The following UNC5C variants were observed in gnomAD, a reference collection of about 807,000 sequenced individuals.
UNC5C encodes unc-5 netrin receptor C.
Under a neutral mutation model 99.8 loss-of-function variants are expected in UNC5C, and 47 were observed. That is an observed-to-expected ratio of 0.47 (90% CI 0.37 to 0.60). The LOEUF is 0.60. Ranked by LOEUF, UNC5C falls within the 20% of genes least tolerant of loss-of-function variation. The pLI is 0.00. For synonymous variants in UNC5C, 487 were observed against 452.2 expected, an observed-to-expected ratio of 1.08 and a Z score of -0.98; for missense variants, 1,062 against 1,165.9, an observed-to-expected ratio of 0.91 and a Z score of 1.30.
chr4:95,543,270 A>C (rs1158015887), intron 1 of UNC5C, among the ~76,000 whole-genome samples: 1 of 152,152 alleles, frequency 6.6e-6, no homozygotes, highest in Non-Finnish European at 1.5e-5. Flanking sequence ...GTAGGAGAAA[A>C]ATCTAAACCG....
intron 1 of UNC5C, among the ~76,000 whole-genome samples, chr4:95,457,950 G>A (rs1231395806): frequency 6.6e-6 from 1 of 152,062 alleles, no homozygotes; most frequent in Non-Finnish European, 1.5e-5. Context: ...AACCCATTCT[G>A]TTCTATAGAA....
At chr4:95,331,454 G>T (rs112710231) in intron 2 of UNC5C, among the ~76,000 whole-genome samples, 19 of 152,084 alleles carry the variant, frequency 1.2e-4, no homozygotes, top group African/African-American at 4.6e-4. Context: ...AAACTTTAAA[G>T]GTAATACCTA....
chr4:95,483,473 A>G (rs147795520), intron 1 of UNC5C, among the ~76,000 whole-genome samples: 24 of 151,936 alleles, frequency 1.6e-4, no homozygotes, highest in African/African-American at 5.8e-4. Context: ...GAAATCTTAA[A>G]TGTACTACAA....
Position 95,171,341 on chromosome 4 carries a change from T to C in UNC5C, c.2452-1009A>G, listed in dbSNP as rs540586262. Reference sequence around the variant, plus strand: ...CTGGTGCGCTGCACCCACTAACTCATCATCTAGCATTAGGTATATCTCCCA... The same window carrying C: ...CTGGTGCGCTGCACCCACTAACTCACCATCTAGCATTAGGTATATCTCCCA... On this transcript the variant is annotated intron_variant, in intron 14 of 15. Transcript: ENST00000453304. 5.1e-3 allele frequency among the ~76,000 whole-genome samples: 776 copies of C among 151,606 alleles called. 7 individuals are homozygous for C. The highest frequency in any genetic ancestry group is 0.018 in the African/African-American group (741 of 41,262).
intron 7 of UNC5C, among the ~76,000 whole-genome samples, chr4:95,225,606 G>A (rs561877078): frequency 2.8e-4 from 42 of 151,640 alleles, no homozygotes; most frequent in African/African-American, 7.0e-4. Flanking sequence ...ATTAAATATC[G>A]CCTCACTCTA....
intron 1 of UNC5C, among the ~76,000 whole-genome samples, chr4:95,497,618 G>T (rs1298237391): frequency 6.6e-6 from 1 of 151,748 alleles, no homozygotes; most frequent in Admixed American, 6.6e-5. Flanking sequence ...TTAATGTAAT[G>T]AATTTAATAC....
chr4:95,332,775 T>C (rs1743168929), intron 2 of UNC5C, among the ~76,000 whole-genome samples: 2 of 149,750 alleles, frequency 1.3e-5, no homozygotes, highest in Admixed American at 1.3e-4. Flanking sequence ...ACCATCAGAG[T>C]GAACAGGCAA....
chr4:95,344,102 C>T (rs2149425404), intron 1 of UNC5C, among the ~76,000 whole-genome samples: 1 of 152,094 alleles, frequency 6.6e-6, no homozygotes, highest in Non-Finnish European at 1.5e-5. Flanking sequence ...GGCTACAAAA[C>T]ATCAAGCAGG....
In UNC5C at chr4:95,416,104, A is replaced by G. The variant is rs146204404; in HGVS notation, c.125-80473T>C. On this transcript the variant is annotated intron_variant, in intron 1 of 15. Coordinates refer to ENST00000453304, the MANE Select transcript of UNC5C (RefSeq NM_003728.4). The stretch of plus-strand genomic sequence containing the variant: ...ATTTGTGAATGTTCGGAGGGCAGAC[A>G]AATAGCTGGAGAATGGAAAGTAGAA... 5.9e-5 allele frequency among the ~76,000 whole-genome samples: 9 copies of G among 152,280 alleles called. No homozygotes were observed. The East Asian group carries it at 1.7e-3, about 29-fold the overall frequency.
At chr4:95,296,379 G>GT (rs1741671282) in intron 3 of UNC5C, among the ~76,000 whole-genome samples, 1 of 152,118 alleles carries the variant, frequency 6.6e-6, no homozygotes, top group East Asian at 1.9e-4. Flanking sequence ...AGAAGAGTTT[G>GT]TTTTTTTATT....
At chr4:95,238,962 A>T (rs1423049341) in intron 7 of UNC5C, among the ~76,000 whole-genome samples, 2 of 152,116 alleles carry the variant, frequency 1.3e-5, no homozygotes, top group Non-Finnish European at 1.5e-5. Flanking sequence ...TCCTTTTAAA[A>T]ATATGGTTTG....
chr4:95,246,221 C>T (rs1478957724), intron 5 of UNC5C, among the ~76,000 whole-genome samples: 1 of 152,126 alleles, frequency 6.6e-6, no homozygotes, highest in Non-Finnish European at 1.5e-5. Context: ...ATGTAATGGA[C>T]TCCTGGACAG....
In UNC5C at chr4:95,182,879, C is replaced by CA; in HGVS notation, c.2451+17dup. On this transcript the variant is annotated intron_variant, in intron 14 of 15. Transcript: ENST00000453304. ...TGTCGCACTCTCCCCTGATTTCAGA[C>CA]AGACAGGAGCCACTTACCTCTGACA... 1 of 1,600,726 alleles carries CA rather than the reference C, an allele frequency of 6.2e-7. No homozygotes were observed. The highest frequency in any genetic ancestry group is 1.7e-4 in the Middle Eastern group (1 of 5,922).
At chr4:95,374,627 T>C (rs1428657726) in intron 1 of UNC5C, among the ~76,000 whole-genome samples, 1 of 152,018 alleles carries the variant, frequency 6.6e-6, no homozygotes, top group Non-Finnish European at 1.5e-5. Context: ...AATTCTGGAA[T>C]CTTGACTACC....
intron 1 of UNC5C, among the ~76,000 whole-genome samples, chr4:95,398,784 C>T (rs1745600775): frequency 6.6e-6 from 1 of 152,016 alleles, no homozygotes; most frequent in South Asian, 2.1e-4. Context: ...TGCTATTTTG[C>T]TTTTTAATTG....
At chr4:95,473,806 G>C (rs1748048699) in intron 1 of UNC5C, among the ~76,000 whole-genome samples, 1 of 152,116 alleles carries the variant, frequency 6.6e-6, no homozygotes, top group African/African-American at 2.4e-5. Context: ...AGGGGAGATG[G>C]TAGCTATAAA....
intron 1 of UNC5C, among the ~76,000 whole-genome samples, chr4:95,371,434 GAGT>G (rs764531615): frequency 1.5e-4 from 3 of 19,522 alleles, no homozygotes; most frequent in East Asian, 2.6e-3. Context: ...GGGGGGGGGG[GAGT>G]ATCAAATGTG....
At chr4:95,377,664 C>T (rs770236105) in intron 1 of UNC5C, among the ~76,000 whole-genome samples, 1 of 151,966 alleles carries the variant, frequency 6.6e-6, no homozygotes, top group African/African-American at 2.4e-5. Context: ...CAAAGAAAGA[C>T]CTCTCTCTAA....
intron 1 of UNC5C, among the ~76,000 whole-genome samples, chr4:95,445,792 T>C (rs1747083305): frequency 1.3e-5 from 2 of 151,014 alleles, no homozygotes; most frequent in Admixed American, 1.3e-4. Flanking sequence ...AGACACATTT[T>C]TGAAGAGGTG....
Sources: allele counts gnomAD v4.1 joint callset (sites outside exome capture counted in the v4.1 genomes callset), GRCh38; gene constraint gnomAD v4.1.1; transcripts MANE v1.5; gene names NCBI Gene and HGNC (gene_info 2026-07-23, HGNC 2026-07-21).